The following WDR75 variants were observed in gnomAD, a reference collection of about 807,000 sequenced individuals.
The protein encoded by WDR75 is WD repeat-containing protein 75.
Under a neutral mutation model 106.1 loss-of-function variants are expected in WDR75, and 52 were observed. That is an observed-to-expected ratio of 0.49 (90% CI 0.39 to 0.62). WDR75 has a LOEUF of 0.62. Ranked by LOEUF, WDR75 falls within the 20% of genes least tolerant of loss-of-function variation. WDR75 has a pLI of 0.00. For synonymous variants in WDR75, 333 were observed against 335.5 expected (o/e 0.99, Z 0.08); for missense variants, 905 against 970.3 (o/e 0.93, Z 0.89).
At chr2:189,452,581 T>C (rs1320268110) in intron 4 of WDR75, among the ~76,000 whole-genome samples, 2 of 152,062 alleles carry the variant, frequency 1.3e-5, no homozygotes, top group African/African-American at 2.4e-5. Context: ...TTGGTTGATA[T>C]TAAGAACCAA....
intron 3 of WDR75, 26 bp downstream of exon 3, chr2:189,450,994 G>C (rs10202780): frequency 0.04 from 62,511 of 1,573,932 alleles, 1,749 homozygotes; most frequent in African/African-American, 0.14. Context: ...TTTACTTTTC[G>C]TTATGTGAAT....
intron 19 of WDR75, 103 bp from the exon 20 acceptor site, chr2:189,474,600 TTTCATGTTTCACTC>T: frequency 1.0e-6 from 1 of 971,356 alleles, no homozygotes; most frequent in Non-Finnish European, 1.5e-6. Flanking sequence ...GGGAAAGCCT[TTTCATGTTTCACTC>T]TTGGCATTTA....
chr2:189,462,386 CTCTAGTACGGTAGCAAAAACAA>C, intron 8 of WDR75, 76 bp from the exon 9 acceptor site: 1 of 1,337,266 alleles, frequency 7.5e-7, no homozygotes, highest in Non-Finnish European at 1.0e-6. Flanking sequence ...GAGTTTATTT[CTCTAGTACGGTAGCAAAAACAA>C]AAGTGTTAAT....
At chr2:189,468,390 A>G (rs890672628) in intron 14 of WDR75, 85 bp from the exon 15 acceptor site, 51 of 1,261,630 alleles carry the variant, frequency 4.0e-5, no homozygotes, top group Non-Finnish European at 5.4e-5. Flanking sequence ...TGCATTACAT[A>G]GAACAGCCGC....
chr2:189,451,533 T>C (rs1028985681), intron 3 of WDR75, among the ~76,000 whole-genome samples: 4 of 152,202 alleles, frequency 2.6e-5, no homozygotes, highest in Non-Finnish European at 4.4e-5. Context: ...AAAGTCCTTA[T>C]AGCATTGTTT....
At chr2:189,473,077 G>T (rs1687147708) in intron 18 of WDR75, among the ~76,000 whole-genome samples, 1 of 152,036 alleles carries the variant, frequency 6.6e-6, no homozygotes, top group Non-Finnish European at 1.5e-5. Flanking sequence ...AATTAGCCAA[G>T]CATGGTGGTG....
chr2:189,441,486 C>G lies in WDR75; in HGVS notation c.-7C>G, dbSNP rs13034785. 3.8e-6 allele frequency: 6 copies of G among 1,558,540 alleles called. No individual in the cohort carries two copies. Among genetic ancestry groups the G allele is most frequent in the Non-Finnish European group, 5.2e-6 (6 of 1,150,218 alleles). On this transcript the variant is annotated 5_prime_UTR_variant, in exon 1 of 21. Coordinates refer to ENST00000314761, the MANE Select transcript of WDR75 (RefSeq NM_032168.3). ...CCAGAGATTGGCCATTCCGCTACTG[C>G]GCAAAGATGGTGGAGGAGGAGAACA... is the stretch of plus-strand genomic sequence containing the variant.
chr2:189,447,137 C>T (rs1686517422), intron 1 of WDR75, among the ~76,000 whole-genome samples: 2 of 152,104 alleles, frequency 1.3e-5, no homozygotes, highest in African/African-American at 2.4e-5. Context: ...TAATTAAAAC[C>T]AGGGAAAGTG....
chr2:189,468,838 A>G (rs1273390600), intron 15 of WDR75, among the ~76,000 whole-genome samples: 1 of 152,050 alleles, frequency 6.6e-6, no homozygotes. Context: ...TGCCCTCCAT[A>G]TTCCCCATCC....
Position 189,451,210 on chromosome 2 carries a change from C to A in WDR75, c.282+242C>A, listed in dbSNP as rs557127925. On this transcript the variant is annotated intron_variant, in intron 3 of 20. Transcript: ENST00000314761. ...AAATATACAAAAATCTTCCCAAAAA[C>A]CAATAAGGAAAAACTAATAGCCTGG... 4.6e-5 allele frequency among the ~76,000 whole-genome samples: 7 copies of A among 151,896 alleles called. No homozygotes were observed. In the East Asian group the frequency reaches 1.4e-3, roughly 29 times the overall value.
chr2:189,449,342 A>T, intron 2 of WDR75: 1 of 1,297,796 alleles, frequency 7.7e-7, no homozygotes, highest in South Asian at 1.2e-5. Context: ...TTTCTTTCCA[A>T]AATTAAATGA....
At chr2:189,459,489 G>C in intron 8 of WDR75, 65 bp downstream of exon 8, 1 of 1,430,874 alleles carries the variant, frequency 7.0e-7, no homozygotes, top group Non-Finnish European at 9.7e-7. Flanking sequence ...TTAATTCACT[G>C]TATTTTTAGT....
Position 189,475,336 on chromosome 2 carries a change from T to TA in WDR75, c.2413dup (p.Ile805AsnfsTer8). ...GTAACACAGGTTTAGGAGAAGACAT[T>TA]ATACATCAGTTGTCAAAATCTGAAG... is the stretch of plus-strand genomic sequence containing the variant. On this transcript the variant is annotated frameshift_variant, in exon 21 of 21. Transcript: ENST00000314761. LOFTEE classifies it high-confidence loss of function. The TA allele has an allele frequency of 6.2e-7, 1 of 1,612,544 alleles. No individual in the cohort carries two copies. The highest frequency in any genetic ancestry group is 8.5e-7 in the Non-Finnish European group (1 of 1,179,164).
At chr2:189,454,258 T>C (rs1686687226) in intron 4 of WDR75, among the ~76,000 whole-genome samples, 1 of 152,158 alleles carries the variant, frequency 6.6e-6, no homozygotes, top group Admixed American at 6.5e-5. Flanking sequence ...GGAAGGACTT[T>C]TGCTTTTACT....
chr2:189,441,575 C>T lies in WDR75; in HGVS notation c.83C>T (p.Ser28Phe). The change falls in exon 1 of 21, where the codon TCT becomes TTT. Residue 28 changes from serine to phenylalanine, a missense_variant. By Grantham distance (155) the Ser-to-Phe change is radical. Transcript: ENST00000314761. ...NFRRAVFSADSKYIFCVSGDF... is the reference protein window; with the variant it reads ...NFRRAVFSADFKYIFCVSGDF... ...AGGAGAGCTGTGTTCTCTGCAGATT[C>T]TAAGTATGAGGGGCACCGCGCTTTG... The T allele has an allele frequency of 2.6e-6, 4 of 1,557,662 alleles. No homozygotes were observed. The highest frequency in any genetic ancestry group is 3.5e-6 in the Non-Finnish European group (4 of 1,149,814).
At chr2:189,472,837 C>A (rs546320924) in intron 18 of WDR75, among the ~76,000 whole-genome samples, 3 of 152,066 alleles carry the variant, frequency 2.0e-5, no homozygotes, top group Non-Finnish European at 4.4e-5. Context: ...TAACCTGAAG[C>A]CTTACTGATA....
Position 189,443,441 on chromosome 2 carries a change from TGTTG to T in WDR75, c.86+1868_86+1871del, listed in dbSNP as rs371830203. 4.1e-4 allele frequency among the ~76,000 whole-genome samples: 63 copies of T among 152,334 alleles called. 1 individual carries two copies. Among genetic ancestry groups the T allele is most frequent in the African/African-American group, 1.2e-3 (50 of 41,572 alleles). ...GTTGGAAAGGACACGTGCAGCCAGT[TGTTG>T]GTTGTTGTTTGGACCAAAGAGAATG... On this transcript the variant is annotated intron_variant, in intron 1 of 20. Coordinates refer to ENST00000314761, the MANE Select transcript of WDR75 (RefSeq NM_032168.3).
At chr2:189,464,565 A>G (rs1686963016) in intron 11 of WDR75, among the ~76,000 whole-genome samples, 1 of 152,166 alleles carries the variant, frequency 6.6e-6, no homozygotes, top group African/African-American at 2.4e-5. Context: ...GGCATTTAGT[A>G]CACTTAATAG....
chr2:189,441,667 C>G, intron 1 of WDR75, 89 bp downstream of exon 1: 1 of 1,422,664 alleles, frequency 7.0e-7, no homozygotes, highest in South Asian at 1.2e-5. Flanking sequence ...CGCGTTCGGA[C>G]TCGCCCGCCT....
Sources: gnomAD v4.1 joint callset for allele counts (sites outside exome capture counted in the v4.1 genomes callset) on GRCh38, gnomAD v4.1.1 for gene constraint, MANE v1.5 for transcripts, NCBI Gene and HGNC (gene_info 2026-07-23, HGNC 2026-07-21) for gene names.